Variants in ORAI3 observed in about 807,000 individuals in gnomAD.
ORAI3 encodes ORAI calcium release-activated calcium modulator 3.
In ORAI3, 15 loss-of-function variants were observed where a neutral mutation model predicts 17.2. That is an observed-to-expected ratio of 0.87 (90% CI 0.58 to 1.34). The LOEUF (loss-of-function observed/expected upper bound fraction) is 1.34, where lower values mean the gene tolerates loss of function less well. ORAI3 is among the 40% of genes most tolerant of loss of function. ORAI3 has a pLI of 0.00. For missense variants in ORAI3, 405 were observed against 396.7 expected (o/e 1.02, Z -0.18); for synonymous variants, 178 against 172.4 (o/e 1.03, Z -0.25).
At position 30,953,562 on chromosome 16, in the gene ORAI3, C is replaced by G. The variant is rs1171222984; in HGVS notation, c.606C>G (p.Thr202=). ...RVPGTLAPVA[T]SLSPASNLPR... ...CCGGGACTCTGGCACCAGTGGCTAC[C>G]TCCCTTAGTCCAGCTTCCAATCTCC... Residue 202 remains threonine, a synonymous_variant, in exon 2 of 2, where the codon ACC becomes ACG. Coordinates refer to ENST00000318663, the MANE Select transcript of ORAI3 (RefSeq NM_152288.3). 1 of 1,614,222 alleles carries G rather than the reference C, an allele frequency of 6.2e-7. No individual in the cohort carries two copies. The highest frequency in any genetic ancestry group is 1.3e-5 in the African/African-American group (1 of 75,060).
At chr16:30,950,299 C>T (rs1372162521) in intron 1 of ORAI3, among the ~76,000 whole-genome samples, 1 of 152,122 alleles carries the variant, frequency 6.6e-6, no homozygotes, top group Non-Finnish European at 1.5e-5. Context: ...ATGGAGGGTG[C>T]GCCCTCTGTA....
In ORAI3 at chr16:30,949,480, C is replaced by A; in HGVS notation, c.191C>A (p.Ser64Tyr). Residue 64 changes from serine to tyrosine, a missense_variant, in exon 1 of 2, where the codon TCC becomes TAC. By Grantham distance (144) the Ser-to-Tyr change is moderately radical. Coordinates refer to ENST00000318663, the MANE Select transcript of ORAI3 (RefSeq NM_152288.3). ...LYLSRAKLKA[S>Y]SRTSALLSGF... is the part of the protein sequence containing the mutation. ...CTCAGCCGGGCCAAGCTCAAAGCTT[C>A]CAGCCGCACGTCTGCCTTGCTCTCG... 1 of 1,607,104 alleles carries A rather than the reference C, an allele frequency of 6.2e-7. No individual in the cohort carries two copies. Among genetic ancestry groups the A allele is most frequent in the Non-Finnish European group, 8.5e-7 (1 of 1,178,356 alleles).
chr16:30,951,238 C>T (rs747622183), intron 1 of ORAI3, among the ~76,000 whole-genome samples: 13 of 152,172 alleles, frequency 8.5e-5, no homozygotes, highest in Non-Finnish European at 1.6e-4. Flanking sequence ...CTCAGGTGGC[C>T]TAAGTTAGAA....
At chr16:30,952,660 T>A (rs576646273) in intron 1 of ORAI3, among the ~76,000 whole-genome samples, 14 of 151,996 alleles carry the variant, frequency 9.2e-5, no homozygotes, top group East Asian at 3.9e-4. Flanking sequence ...CCCTTTTTTT[T>A]ATTTTTATTT....
In ORAI3 at chr16:30,949,346, G is replaced by A; in HGVS notation, c.57G>A (p.Glu19=). Residue 19 remains glutamate, a synonymous_variant, in exon 1 of 2, where the codon GAG becomes GAA. Coordinates refer to ENST00000318663, the MANE Select transcript of ORAI3 (RefSeq NM_152288.3). ...GEQAPLNPEG[E]SPAGSATYRE... ...AGGCCCCGCTGAACCCTGAGGGCGAGAGCCCTGCAGGCTCGGCCACGTACC... is the reference window on the plus strand; with the variant it reads ...AGGCCCCGCTGAACCCTGAGGGCGAAAGCCCTGCAGGCTCGGCCACGTACC... 1 of 1,522,824 alleles carries A rather than the reference G, an allele frequency of 6.6e-7. No individual in the cohort carries two copies. Among genetic ancestry groups the A allele is most frequent in the Non-Finnish European group, 8.8e-7 (1 of 1,136,660 alleles). 94.3% of individuals were successfully genotyped at this position (1,522,824 alleles called of 1,614,324 possible).
chr16:30,953,322 C>T lies in ORAI3; in HGVS notation c.366C>T (p.His122=). The change falls in exon 2 of 2, where the codon CAC becomes CAT. Residue 122 remains histidine, a synonymous_variant. Coordinates refer to ENST00000318663, the MANE Select transcript of ORAI3 (RefSeq NM_152288.3). ...TGGTCTCCACGTGTCTGCTGCCCCA[C>T]ATTGAAGCTGTGAGCAACATCCACA... ...ALMVSTCLLP[H]IEAVSNIHNL... is the part of the protein sequence containing the mutation. The T allele has an allele frequency of 6.2e-7, 1 of 1,614,230 alleles. No homozygotes were observed. Among genetic ancestry groups the T allele is most frequent in the Non-Finnish European group, 8.5e-7 (1 of 1,180,032 alleles).
rs1469505137 is a variant in ORAI3, at chr16:30,954,140, G to A, written c.*296G>A. The A allele has an allele frequency of 1.4e-6, 1 of 702,518 alleles. No individual in the cohort carries two copies. The highest frequency in any genetic ancestry group is 2.6e-6 in the Non-Finnish European group (1 of 385,030). The allele number at this position is 702,518 out of a possible 1,614,324, so 43.5% of individuals were successfully genotyped here. ...AGTAGATAGAGGGGAGGCAGGGAGAGCTTGTGGGACCTTCAGTGCTGACTT... is the reference window on the plus strand; with the variant it reads ...AGTAGATAGAGGGGAGGCAGGGAGAACTTGTGGGACCTTCAGTGCTGACTT... On this transcript the variant is annotated 3_prime_UTR_variant, in exon 2 of 2. Coordinates refer to ENST00000318663, the MANE Select transcript of ORAI3 (RefSeq NM_152288.3).
chr16:30,949,637 G>C (rs766482973), intron 1 of ORAI3, 120 bp downstream of exon 1: 2 of 740,808 alleles, frequency 2.7e-6, no homozygotes, highest in Non-Finnish European at 4.3e-6. Flanking sequence ...TCGTCAAAGG[G>C]GGAAGGAACA....
intron 1 of ORAI3, chr16:30,949,881 G>C (rs550438375): frequency 9.5e-6 from 2 of 209,482 alleles, no homozygotes; most frequent in Admixed American, 1.3e-4. Context: ...GGTCAGCTGG[G>C]TGGGGGCTGC....
chr16:30,953,634 C>T lies in ORAI3; in HGVS notation c.678C>T (p.Cys226=), dbSNP rs774980042. The change falls in exon 2 of 2, where the codon TGC becomes TGT. Residue 226 remains cysteine, a synonymous_variant. Transcript: ENST00000318663. ...CACCGTCCCAAGCTGAGCCAGCCTG[C>T]CCACCCCGGCAAGCCTGTGGTGGTG... ...SAAPSQAEPA[C]PPRQACGGGG... 1 of 1,613,638 alleles carries T rather than the reference C, an allele frequency of 6.2e-7. No individual in the cohort carries two copies. The highest frequency in any genetic ancestry group is 8.5e-7 in the Non-Finnish European group (1 of 1,179,782).
In ORAI3 at chr16:30,953,487, TG is replaced by T; in HGVS notation, c.535del (p.Ala179LeufsTer104). On this transcript the variant is annotated frameshift_variant, in exon 2 of 2. Transcript: ENST00000318663. LOFTEE classifies it high-confidence loss of function. ...TTGGTTGGGTCAAGTTTGTGCCCAT[TG>T]GGGCTCCCTTGGACACACCGACCCC... is the stretch of plus-strand genomic sequence containing the variant. ...LVGWVKFVPIGAPLDTPTPMV... is the reference protein window; with the variant it reads ...LVGWVKFVPIXAPLDTPTPMV... 6.2e-7 allele frequency: 1 copy of T among 1,614,216 alleles called. No homozygotes were observed. Among genetic ancestry groups the T allele is most frequent in the Non-Finnish European group, 8.5e-7 (1 of 1,180,016 alleles).
At chr16:30,952,423 C>T (rs886786365) in intron 1 of ORAI3, among the ~76,000 whole-genome samples, 3 of 152,164 alleles carry the variant, frequency 2.0e-5, no homozygotes, top group Non-Finnish European at 2.9e-5. Flanking sequence ...GCGTGAGCCA[C>T]CACTCCCAGC....
Position 30,949,377 on chromosome 16 carries a change from T to C in ORAI3, c.88T>C (p.Phe30Leu). Reference protein sequence around the residue: ...SPAGSATYREFVHRGYLDLMG... With the variant: ...SPAGSATYRELVHRGYLDLMG... ...TGCAGGCTCGGCCACGTACCGGGAG[T>C]TCGTGCACCGCGGCTACCTGGACCT... Residue 30 changes from phenylalanine (F) to leucine (L), a missense_variant, in exon 1 of 2, where the codon TTC (phenylalanine) becomes CTC (leucine). Transcript: ENST00000318663. 1.9e-6 allele frequency: 3 copies of C among 1,574,514 alleles called. No homozygotes were observed. The highest frequency in any genetic ancestry group is 2.6e-6 in the Non-Finnish European group (3 of 1,162,654).
In ORAI3 at chr16:30,954,300, C is replaced by T; in HGVS notation, c.*456C>T. 1 of 587,418 alleles carries T rather than the reference C, an allele frequency of 1.7e-6. No individual in the cohort carries two copies. Among genetic ancestry groups the T allele is most frequent in the South Asian group, 2.0e-5 (1 of 49,570 alleles). The allele number at this position is 587,418 out of a possible 1,614,324, so 36.4% of individuals were successfully genotyped here. ...TGATACAGTCACAGCTCACTGTAGC[C>T]TCGACCTTCCAGGCTCAAAAGATGC... On this transcript the variant is annotated 3_prime_UTR_variant, in exon 2 of 2. Coordinates refer to ENST00000318663, the MANE Select transcript of ORAI3 (RefSeq NM_152288.3).
At position 30,953,280 on chromosome 16, in the gene ORAI3, G is replaced by A; in HGVS notation, c.324G>A (p.Val108=). The A allele has an allele frequency of 1.2e-6, 2 of 1,614,016 alleles. No individual in the cohort carries two copies. Among genetic ancestry groups the A allele is most frequent in the East Asian group, 2.2e-5 (1 of 44,876 alleles). The change falls in exon 2 of 2, where the codon GTG becomes GTA. Residue 108 remains valine (V), a synonymous_variant. Coordinates refer to ENST00000318663, the MANE Select transcript of ORAI3 (RefSeq NM_152288.3). ...CCTGCACCACCGTGCTGGTGGCTGT[G>A]CACCTCTTTGCACTCATGGTCTCCA... ...FSACTTVLVA[V]HLFALMVSTC... is the part of the protein sequence containing the mutation.
At position 30,953,942 on chromosome 16, in the gene ORAI3, T is replaced by C. The variant is rs2055938763; in HGVS notation, c.*98T>C. On this transcript the variant is annotated 3_prime_UTR_variant, in exon 2 of 2. Transcript: ENST00000318663. The stretch of plus-strand genomic sequence containing the variant: ...AGACCTCATCCCCCCATCCCCTGGC[T>C]GGAGCCACTTCCAGTGGCCACTCTC... 1 of 1,347,286 alleles carries C rather than the reference T, an allele frequency of 7.4e-7. No homozygotes were observed. Among genetic ancestry groups the C allele is most frequent in the Non-Finnish European group, 1.0e-6 (1 of 972,944 alleles). The allele number at this position is 1,347,286 out of a possible 1,614,324, so 83.5% of individuals were successfully genotyped here.
chr16:30,953,697 C>T lies in ORAI3; in HGVS notation c.741C>T (p.Ala247=). Residue 247 remains alanine, a synonymous_variant, in exon 2 of 2, where the codon GCC becomes GCT. Coordinates refer to ENST00000318663, the MANE Select transcript of ORAI3 (RefSeq NM_152288.3). The part of the protein sequence containing the change: ...AHGPGWQAAM[A]STAIMVPVGL... ...GGCCAGGCTGGCAAGCAGCCATGGC[C>T]TCCACAGCCATCATGGTACCCGTGG... is the stretch of plus-strand genomic sequence containing the variant. 1 of 1,614,230 alleles carries T rather than the reference C, an allele frequency of 6.2e-7. No homozygotes were observed. The highest frequency in any genetic ancestry group is 8.5e-7 in the Non-Finnish European group (1 of 1,180,052).
rs1362606904 is a variant in ORAI3, at chr16:30,953,847, C to A, written c.*3C>A. 7.5e-6 allele frequency: 12 copies of A among 1,602,830 alleles called. No homozygotes were observed. Among genetic ancestry groups the A allele is most frequent in the Non-Finnish European group, 8.5e-6 (10 of 1,175,074 alleles). On this transcript the variant is annotated 3_prime_UTR_variant, in exon 2 of 2. Coordinates refer to ENST00000318663, the MANE Select transcript of ORAI3 (RefSeq NM_152288.3). ...AGGGGGAGCTGCAGGCTGTGTGAGA[C>A]TGGTGTTAGCCACCGCTCACTGCAA...
In ORAI3 at chr16:30,949,678, T is replaced by TA. The variant is rs1045928930; in HGVS notation, c.228+162dup. ...CCGCGGGACTGAGCAAGTCCCTTCT[T>TA]ACGGATGTGTGTGTACAGGGGACCC... On this transcript the variant is annotated intron_variant, in intron 1 of 1. Coordinates refer to ENST00000318663, the MANE Select transcript of ORAI3 (RefSeq NM_152288.3). The TA allele has an allele frequency of 1.1e-5, 7 of 637,324 alleles. No individual in the cohort carries two copies. In the African/African-American group the frequency reaches 1.3e-4, roughly 12 times the overall value. 39.5% of individuals were successfully genotyped at this position (637,324 alleles called of 1,614,324 possible). A position where few individuals can be genotyped will look rare whatever the true frequency, so the allele number is the denominator to read the frequency against.
Sources: allele counts gnomAD v4.1 joint callset (sites outside exome capture counted in the v4.1 genomes callset), GRCh38; gene constraint gnomAD v4.1.1; transcripts MANE v1.5; gene names NCBI Gene and HGNC (gene_info 2026-07-23, HGNC 2026-07-21).